Variants in STT3B observed in about 807,000 individuals in gnomAD.
The protein encoded by STT3B is dolichyl-diphosphooligosaccharide--protein glycosyltransferase subunit STT3B.
Under a neutral mutation model 96.8 loss-of-function variants are expected in STT3B, and 29 were observed. The observed-to-expected ratio is 0.30, with a 90% CI of 0.22 to 0.41. STT3B has a LOEUF of 0.41. STT3B is among the 10% of genes least tolerant of loss of function. The probability of loss-of-function intolerance (pLI) is 1.00; values close to 1 mark genes in which losing one functional copy is unlikely to be tolerated. For synonymous variants in STT3B, 367 were observed against 360.0 expected (o/e 1.02, Z -0.22); for missense variants, 640 against 1,022.3 (o/e 0.63, Z 5.10).
chr3:31,583,552 C>G (rs1383858939), intron 3 of STT3B, among the ~76,000 whole-genome samples: 1 of 152,108 alleles, frequency 6.6e-6, no homozygotes, highest in Non-Finnish European at 1.5e-5. Context: ...CATCCCTGCT[C>G]TCTTTTGGTT....
intron 1 of STT3B, 199 bp downstream of exon 1, chr3:31,533,511 CG>C (rs1321925323): frequency 5.4e-6 from 3 of 553,830 alleles, no homozygotes; most frequent in Non-Finnish European, 7.9e-6. Context: ...CAGCCTGAGG[CG>C]GGGCGTCGGG....
rs1699756679 is a variant in STT3B at position 31,636,451 on chromosome 3, T to C, written c.*387T>C. ...CTGCATTTTATTTGAATTACCCGAA[T>C]AGCAATATGTAAAATACAAGTGACA... On this transcript the variant is annotated 3_prime_UTR_variant, in exon 16 of 16. Coordinates refer to ENST00000295770, the MANE Select transcript of STT3B (RefSeq NM_178862.3). 6.4e-6 allele frequency: 1 copy of C among 157,184 alleles called. No homozygotes were observed. Among genetic ancestry groups the C allele is most frequent in the African/African-American group, 2.4e-5 (1 of 41,670 alleles). 9.7% of individuals were successfully genotyped at this position (157,184 alleles called of 1,614,324 possible).
chr3:31,630,520 C>T (rs1453504852), intron 14 of STT3B, among the ~76,000 whole-genome samples: 1 of 152,212 alleles, frequency 6.6e-6, no homozygotes, highest in Non-Finnish European at 1.5e-5. Flanking sequence ...GTTTCTCCTG[C>T]ATAATGTGCG....
intron 1 of STT3B, among the ~76,000 whole-genome samples, chr3:31,545,344 T>C (rs1396337420): frequency 1.3e-5 from 2 of 152,238 alleles, no homozygotes; most frequent in Admixed American, 6.5e-5. Context: ...ACAGCTGTTA[T>C]ATGAAAGGTT....
At chr3:31,595,248 A>G (rs1698760352) in intron 3 of STT3B, among the ~76,000 whole-genome samples, 1 of 152,224 alleles carries the variant, frequency 6.6e-6, no homozygotes, top group Admixed American at 6.5e-5. Context: ...GAGTAGGAGA[A>G]GTTCAGAGAC....
rs116097796 is a variant in STT3B, at chr3:31,633,316, A to C, written c.2400+169A>C. The C allele has an allele frequency of 1.9e-3, 1,227 of 649,414 alleles. 16 individuals carry two copies. In the African/African-American group the frequency reaches 0.02, roughly 10 times the overall value. The allele number at this position is 649,414 out of a possible 1,614,324, so 40.2% of individuals were successfully genotyped here. On this transcript the variant is annotated intron_variant, in intron 15 of 15. Coordinates refer to ENST00000295770, the MANE Select transcript of STT3B (RefSeq NM_178862.3). Reference sequence around the variant, plus strand: ...CTAGCCTGCTAGGAGCATTCCTTTCAAACTGAGCACTTCAGATATCCCAAG... The same window carrying C: ...CTAGCCTGCTAGGAGCATTCCTTTCCAACTGAGCACTTCAGATATCCCAAG...
intron 14 of STT3B, among the ~76,000 whole-genome samples, chr3:31,629,897 T>C (rs960034359): frequency 1.3e-5 from 2 of 152,200 alleles, no homozygotes; most frequent in East Asian, 1.9e-4. Context: ...AATGATGTGG[T>C]ACAAAAGCTT....
At chr3:31,566,979 A>C (rs770147533) in intron 1 of STT3B, among the ~76,000 whole-genome samples, 11 of 152,208 alleles carry the variant, frequency 7.2e-5, no homozygotes, top group Non-Finnish European at 1.5e-4. Flanking sequence ...CAGATATAGA[A>C]TAACCACCTT....
rs773245630 is a variant in STT3B, at chr3:31,617,920, T to C, written c.1124-20T>C. ...ATAATAAAAAGGCAGATTAATTTCA[T>C]CCATGTTTTTCCTTCCAAGGTTACA... On this transcript the variant is annotated intron_variant, in intron 7 of 15. Transcript: ENST00000295770. The C allele has an allele frequency of 1.9e-6, 3 of 1,569,282 alleles. No homozygotes were observed.
At chr3:31,609,376 T>A (rs576456865) in intron 5 of STT3B, among the ~76,000 whole-genome samples, 1 of 152,310 alleles carries the variant, frequency 6.6e-6, no homozygotes, top group African/African-American at 2.4e-5. Flanking sequence ...AAAAATTATA[T>A]ATTCCATGAG....
chr3:31,594,586 C>T (rs950013348), intron 3 of STT3B, among the ~76,000 whole-genome samples: 19 of 151,918 alleles, frequency 1.3e-4, no homozygotes, highest in East Asian at 3.9e-4. Flanking sequence ...TGCACCACCA[C>T]GCTCAGCTAA....
chr3:31,569,884 T>C (rs1320445614), intron 1 of STT3B, among the ~76,000 whole-genome samples: 1 of 152,028 alleles, frequency 6.6e-6, no homozygotes, highest in African/African-American at 2.4e-5. Context: ...ATATGTGTCA[T>C]TATGTATGTA....
intron 12 of STT3B, among the ~76,000 whole-genome samples, chr3:31,625,723 T>C (rs1699521969): frequency 6.6e-6 from 1 of 152,216 alleles, no homozygotes; most frequent in Non-Finnish European, 1.5e-5. Context: ...ACTTAATTAT[T>C]AGCAAAATAT....
chr3:31,582,152 T>TG (rs910912195), intron 3 of STT3B, among the ~76,000 whole-genome samples: 1 of 144,466 alleles, frequency 6.9e-6, no homozygotes, highest in African/African-American at 2.9e-5. Context: ...GTTTCATTGA[T>TG]TTTTTTCTGT....
intron 1 of STT3B, among the ~76,000 whole-genome samples, chr3:31,570,757 A>T (rs991619088): frequency 1.3e-5 from 2 of 152,108 alleles, no homozygotes; most frequent in Non-Finnish European, 2.9e-5. Context: ...TACAACGAAA[A>T]TGGAAGATTT....
intron 1 of STT3B, among the ~76,000 whole-genome samples, chr3:31,547,443 G>A (rs910075607): frequency 3.3e-5 from 5 of 152,200 alleles, no homozygotes; most frequent in East Asian, 3.9e-4. Flanking sequence ...TCAGGAGTTC[G>A]AGACCAGTCT....
intron 6 of STT3B, 131 bp downstream of exon 6, chr3:31,615,334 T>C (rs2125471931): frequency 3.1e-6 from 2 of 644,670 alleles, no homozygotes; most frequent in East Asian, 2.9e-5. Context: ...CTCACAATTA[T>C]GGGAAATCTG....
chr3:31,614,722 G>A (rs78685591), intron 5 of STT3B, among the ~76,000 whole-genome samples: 2 of 17,486 alleles, frequency 1.1e-4, no homozygotes, highest in East Asian at 3.8e-3. Flanking sequence ...GTATTAAGTC[G>A]TGTATTTTGG....
At chr3:31,540,574 AT>A (rs912594363) in intron 1 of STT3B, among the ~76,000 whole-genome samples, 1 of 152,144 alleles carries the variant, frequency 6.6e-6, no homozygotes, top group African/African-American at 2.4e-5. Flanking sequence ...CCTGCAACCT[AT>A]AAAATCCTTC....
Sources: allele counts gnomAD v4.1 joint callset (sites outside exome capture counted in the v4.1 genomes callset), GRCh38; gene constraint gnomAD v4.1.1; transcripts MANE v1.5; gene names NCBI Gene and HGNC (gene_info 2026-07-23, HGNC 2026-07-21).